The following DMD variants were observed in gnomAD, a reference collection of about 807,000 sequenced individuals.
DMD encodes the protein dystrophin.
In DMD, 63 loss-of-function variants were observed where a neutral mutation model predicts 330.1. The ratio of observed to expected loss-of-function variants is 0.19; its 90% CI spans 0.16 to 0.24. The LOEUF (loss-of-function observed/expected upper bound fraction) is 0.24. Ranked by LOEUF, DMD falls within the 10% of genes least tolerant of loss-of-function variation. The pLI is 1.00. For missense variants in DMD, 3,344 were observed against 2,684.1 expected (o/e 1.25, Z -5.43); for synonymous variants, 1,223 against 959.8 (o/e 1.27, Z -5.07).
chrX:32,613,891 T>C (rs770964383), intron 12 of DMD, among the ~76,000 whole-genome samples: 10 of 111,357 alleles, frequency 9.0e-5, no homozygotes, highest in Non-Finnish European at 1.5e-4. Flanking sequence ...CCTTTATTTT[T>C]TCACAGTTCT....
chrX:32,200,593 CAT>C (rs960918109), intron 44 of DMD, among the ~76,000 whole-genome samples: 33 of 110,160 alleles, frequency 3.0e-4, no homozygotes, highest in African/African-American at 9.8e-4. Flanking sequence ...TGAAAACACA[CAT>C]ATGTAATCAC....
chrX:31,810,046 A>G (rs2092413294), intron 50 of DMD, among the ~76,000 whole-genome samples: 1 of 105,841 alleles, frequency 9.4e-6, no homozygotes, highest in African/African-American at 3.4e-5. Flanking sequence ...TCTGTAAAAT[A>G]TATGTTCACT....
rs1326848828 is a variant in DMD, at chrX:32,463,687, T to C, written c.3277-93A>G. The C allele has an allele frequency of 2.8e-5, 22 of 786,886 alleles. No homozygotes were observed. The Admixed American group carries it at 8.3e-4, about 30-fold the overall frequency. The allele number at this position is 786,886 out of a possible 1,213,427, so 64.8% of individuals were successfully genotyped here. A position where few individuals can be genotyped will look rare whatever the true frequency, so the allele number is the denominator to read the frequency against. ...CTAGAAAATGTAAAATTGGGACTGA[T>C]GGCATTGCATATGGATTTTTGTCTT... On this transcript the variant is annotated intron_variant, in intron 24 of 78. Coordinates refer to ENST00000357033, the MANE Select transcript of DMD (RefSeq NM_004006.3).
At chrX:33,057,335 T>A (rs2094529889) in intron 1 of DMD, among the ~76,000 whole-genome samples, 1 of 112,189 alleles carries the variant, frequency 8.9e-6, no homozygotes, top group Non-Finnish European at 1.9e-5. Flanking sequence ...GATTAGATAC[T>A]TGTGTATCCG....
chrX:31,800,750 C>G (rs1029359796), intron 50 of DMD, among the ~76,000 whole-genome samples: 1 of 111,844 alleles, frequency 8.9e-6, no homozygotes, highest in African/African-American at 3.3e-5. Flanking sequence ...GATCATCTCT[C>G]TCAAGTTCAA....
At chrX:31,901,800 C>T (rs753187823) in intron 47 of DMD, among the ~76,000 whole-genome samples, 7 of 110,688 alleles carry the variant, frequency 6.3e-5, no homozygotes, top group Admixed American at 1.9e-4. Context: ...TGACTTTTAC[C>T]GTTTCTAATG....
At chrX:31,561,646 T>C (rs2075205421) in intron 55 of DMD, among the ~76,000 whole-genome samples, 1 of 112,243 alleles carries the variant, frequency 8.9e-6, no homozygotes, top group Non-Finnish European at 1.9e-5. Context: ...GTACTACAAC[T>C]CTAATAATAA....
rs779871949 is a variant in DMD at position 32,073,604 on chromosome X, T to A, written c.6439-105090A>T. On this transcript the variant is annotated intron_variant, in intron 44 of 78. Coordinates refer to ENST00000357033, the MANE Select transcript of DMD (RefSeq NM_004006.3). ...TCAACTATCCCACTTGCAAAATGAA[T>A]GGGTTAATTGTTCTTACTTTAGACT... is the stretch of plus-strand genomic sequence containing the variant. Among the ~76,000 whole-genome samples, 82 of 111,756 alleles carry A rather than the reference T, an allele frequency of 7.3e-4. No homozygotes were observed. The Middle Eastern group carries it at 0.014, about 19-fold the overall frequency.
intron 1 of DMD, among the ~76,000 whole-genome samples, chrX:33,078,927 C>T (rs1275314937): frequency 8.9e-6 from 1 of 112,268 alleles, no homozygotes; most frequent in African/African-American, 3.2e-5. Flanking sequence ...ACACCATTCA[C>T]TCTTCTATTT....
chrX:32,645,857 C>T (rs979821456), intron 9 of DMD, among the ~76,000 whole-genome samples: 5 of 112,033 alleles, frequency 4.5e-5, no homozygotes, highest in African/African-American at 1.6e-4. Flanking sequence ...TTGGAATTTC[C>T]GTCTGGACCC....
At chrX:31,355,287 A>T (rs2058615197) in intron 60 of DMD, among the ~76,000 whole-genome samples, 1 of 111,421 alleles carries the variant, frequency 9.0e-6, no homozygotes, top group Admixed American at 9.6e-5. Context: ...GACAGGCATT[A>T]CCTCCCCATG....
intron 42 of DMD, among the ~76,000 whole-genome samples, chrX:32,288,572 G>A (rs181972912): frequency 6.4e-3 from 717 of 111,725 alleles, no homozygotes; most frequent in South Asian, 0.018. Flanking sequence ...CACAAGAGCC[G>A]AAAAGATTCT....
intron 18 of DMD, among the ~76,000 whole-genome samples, chrX:32,512,109 G>T (rs1036216203): frequency 8.9e-6 from 1 of 111,791 alleles, no homozygotes; most frequent in Non-Finnish European, 1.9e-5. Context: ...TCAATAAAAG[G>T]AAGAAAAGTA....
intron 54 of DMD, among the ~76,000 whole-genome samples, chrX:31,652,489 TTGAG>T (rs1416583066): frequency 2.7e-5 from 3 of 111,977 alleles, no homozygotes; most frequent in Non-Finnish European, 5.6e-5. Context: ...AAAGTATTTG[TTGAG>T]TAAGTAAATT....
chrX:32,949,973 A>ACATCCAGTGTAAAGGTGCAGAGGC (rs1569545154), intron 2 of DMD, among the ~76,000 whole-genome samples: 10 of 110,265 alleles, frequency 9.1e-5, no homozygotes, highest in East Asian at 2.8e-4. Flanking sequence ...GGCAAAAAAA[A>ACATCCAGTGTAAAGGTGCAGAGGC]AAAAAAAAAT....
chrX:33,147,893 A>G (rs1457120647), intron 1 of DMD, among the ~76,000 whole-genome samples: 5 of 112,185 alleles, frequency 4.5e-5, no homozygotes, highest in African/African-American at 1.6e-4. Flanking sequence ...AATTCTATTC[A>G]GACCTAGAAT....
At chrX:32,202,808 C>G (rs12013663) in intron 44 of DMD, among the ~76,000 whole-genome samples, 1 of 112,325 alleles carries the variant, frequency 8.9e-6, no homozygotes, top group African/African-American at 3.2e-5. Flanking sequence ...CCAATCATGA[C>G]TTGAAGTTGC....
chrX:32,794,814 G>A (rs1386396364), intron 7 of DMD, among the ~76,000 whole-genome samples: 4 of 111,751 alleles, frequency 3.6e-5, no homozygotes, highest in Admixed American at 9.5e-5. Flanking sequence ...AATAAATTTA[G>A]TAAAGTTGCA....
intron 1 of DMD, among the ~76,000 whole-genome samples, chrX:33,121,338 C>T (rs958766138): frequency 1.8e-5 from 2 of 109,340 alleles, no homozygotes; most frequent in South Asian, 8.1e-4. Context: ...TCAAGTGATT[C>T]TCCTGCCTCA....
Sources: gnomAD v4.1 joint callset for allele counts (sites outside exome capture counted in the v4.1 genomes callset) on GRCh38, gnomAD v4.1.1 for gene constraint, MANE v1.5 for transcripts, NCBI Gene and HGNC (gene_info 2026-07-23, HGNC 2026-07-21) for gene names.